ATP6V0D1: variants seen among roughly 807,000 people sequenced by gnomAD.
ATP6V0D1 encodes V-type proton ATPase subunit d 1.
ATP6V0D1 carries 13 observed loss-of-function variants against 39.0 expected under a neutral mutation model. The observed-to-expected ratio is 0.33, with a 90% CI of 0.22 to 0.53. The LOEUF (loss-of-function observed/expected upper bound fraction) is 0.53. Among genes scored for constraint, ATP6V0D1 ranks in the 20% least tolerant of loss-of-function variants. ATP6V0D1 has a pLI of 0.94. For synonymous variants in ATP6V0D1, 191 were observed against 191.2 expected (o/e 1.00, Z 0.01); for missense variants, 272 against 470.9 (o/e 0.58, Z 3.91).
chr16:67,458,824 AG>A (rs1300233451), intron 1 of ATP6V0D1: 1 of 155,996 alleles, frequency 6.4e-6, no homozygotes, highest in African/African-American at 2.4e-5. Flanking sequence ...TCTGCACCCC[AG>A]GACCTTCCCA....
intron 1 of ATP6V0D1, among the ~76,000 whole-genome samples, chr16:67,467,130 T>C (rs761349887): frequency 6.6e-6 from 1 of 151,926 alleles, no homozygotes; most frequent in African/African-American, 2.4e-5. Context: ...ATCTATGATA[T>C]GGTGCATCCC....
rs759566768 is a variant in ATP6V0D1, at chr16:67,444,750, C to T, written c.303-44G>A. On this transcript the variant is annotated intron_variant, in intron 2 of 7. Coordinates refer to ENST00000290949, the MANE Select transcript of ATP6V0D1 (RefSeq NM_004691.5). The surrounding 1 kb of genome is among the most constrained non-coding windows in gnomAD (Gnocchi z 4.8). ...AGCAAGGAGCCCATCAAGGTGGGGGCCGGGAAGTCCTGGCATAGCACCATG... is the reference window on the plus strand; with the variant it reads ...AGCAAGGAGCCCATCAAGGTGGGGGTCGGGAAGTCCTGGCATAGCACCATG... The T allele has an allele frequency of 3.9e-6, 6 of 1,520,922 alleles. No individual in the cohort carries two copies. The highest frequency in any genetic ancestry group is 5.3e-6 in the Non-Finnish European group (6 of 1,129,714). The allele number at this position is 1,520,922 out of a possible 1,614,324, so 94.2% of individuals were successfully genotyped here.
chr16:67,444,861 C>G lies in ATP6V0D1; in HGVS notation c.303-155G>C, dbSNP rs755024807. Among the ~76,000 whole-genome samples the G allele has an allele frequency of 6.6e-6, 1 of 152,170 alleles. No homozygotes were observed. The highest frequency in any genetic ancestry group is 1.5e-5 in the Non-Finnish European group (1 of 68,024). ...CGGATAAGCACCAGTGTCTCCTCTC[C>G]CTCCCCATGTTCCTCTCAAGCTTCT... On this transcript the variant is annotated intron_variant, in intron 2 of 7. Coordinates refer to ENST00000290949, the MANE Select transcript of ATP6V0D1 (RefSeq NM_004691.5). The surrounding 1 kb of genome is among the most constrained non-coding windows in gnomAD (Gnocchi z 4.8).
chr16:67,477,534 A>G (rs1367749533), intron 1 of ATP6V0D1, among the ~76,000 whole-genome samples: 1 of 152,194 alleles, frequency 6.6e-6, no homozygotes, highest in African/African-American at 2.4e-5. Context: ...GGGGGTATAA[A>G]TGGAACTAGT....
At chr16:67,445,239 G>A (rs940765725) in intron 2 of ATP6V0D1, among the ~76,000 whole-genome samples, 9 of 152,216 alleles carry the variant, frequency 5.9e-5, no homozygotes, top group African/African-American at 1.9e-4. Flanking sequence ...CCGGCAGCAC[G>A]GGGCTGCAGC....
intron 1 of ATP6V0D1, among the ~76,000 whole-genome samples, chr16:67,474,835 C>T (rs766554583): frequency 6.6e-6 from 1 of 152,214 alleles, no homozygotes; most frequent in Admixed American, 6.5e-5. Flanking sequence ...ACTTCTACAA[C>T]GTGTTCCTTC....
At chr16:67,475,496 C>A (rs1398299757) in intron 1 of ATP6V0D1, among the ~76,000 whole-genome samples, 1 of 152,220 alleles carries the variant, frequency 6.6e-6, no homozygotes, top group Non-Finnish European at 1.5e-5. Flanking sequence ...TGGCCTCCAA[C>A]GATCTAACTC....
At chr16:67,478,174 C>G (rs368847722) in intron 1 of ATP6V0D1, among the ~76,000 whole-genome samples, 1 of 152,144 alleles carries the variant, frequency 6.6e-6, no homozygotes, top group Non-Finnish European at 1.5e-5. Flanking sequence ...ACCCAAGGCC[C>G]GGAGGTGTTA....
At chr16:67,467,185 C>A (rs115498750) in intron 1 of ATP6V0D1, among the ~76,000 whole-genome samples, 1 of 152,192 alleles carries the variant, frequency 6.6e-6, no homozygotes, top group African/African-American at 2.4e-5. Flanking sequence ...CCCCACACCC[C>A]CAAAGCCTAG....
intron 1 of ATP6V0D1, chr16:67,457,530 C>T: frequency 7.8e-7 from 1 of 1,274,562 alleles, no homozygotes; most frequent in South Asian, 1.2e-5. Flanking sequence ...CCTTCTTCCC[C>T]TCCTCGGAGG....
chr16:67,443,635 A>G (rs564934800), intron 3 of ATP6V0D1, among the ~76,000 whole-genome samples: 15 of 152,304 alleles, frequency 9.8e-5, no homozygotes, highest in African/African-American at 3.4e-4. Flanking sequence ...GTAGGCACAG[A>G]CCAGCGACCC....
At chr16:67,458,206 G>A (rs940286201) in intron 1 of ATP6V0D1, among the ~76,000 whole-genome samples, 1 of 152,226 alleles carries the variant, frequency 6.6e-6, no homozygotes, top group African/African-American at 2.4e-5. Flanking sequence ...TACTGGTCAG[G>A]CCTAGGACAA....
chr16:67,443,045 C>G, intron 4 of ATP6V0D1, 54 bp downstream of exon 4: 1 of 1,588,804 alleles, frequency 6.3e-7, no homozygotes, highest in South Asian at 1.1e-5. Flanking sequence ...CTACCACTTC[C>G]CACAGCCCCA....
chr16:67,474,722 G>A (rs574711533), intron 1 of ATP6V0D1, among the ~76,000 whole-genome samples: 16 of 152,206 alleles, frequency 1.1e-4, no homozygotes, highest in African/African-American at 1.4e-4. Flanking sequence ...TGGACACACC[G>A]CTATCTCAAT....
intron 1 of ATP6V0D1, among the ~76,000 whole-genome samples, chr16:67,467,840 A>G (rs2041342499): frequency 6.6e-6 from 1 of 152,192 alleles, no homozygotes; most frequent in Non-Finnish European, 1.5e-5. Flanking sequence ...AACAAGCTGC[A>G]GTGTGTCTGA....
chr16:67,479,835 G>A (rs1034568932), intron 1 of ATP6V0D1, among the ~76,000 whole-genome samples: 9 of 152,106 alleles, frequency 5.9e-5, no homozygotes, highest in African/African-American at 1.2e-4. Flanking sequence ...CACCTGGAGC[G>A]GGAGTGGTTG....
At position 67,473,220 on chromosome 16, in the gene ATP6V0D1, T is replaced by TG. The variant is rs575768414; in HGVS notation, c.130+7736dup. On this transcript the variant is annotated intron_variant, in intron 1 of 7. Transcript: ENST00000290949. ...CCTCTTGGCCTGGCTAATTTGGGGC[T>TG]GGGGGGGGTGGCGCAGCAACAGCTT... Among the ~76,000 whole-genome samples, 410 of 151,774 alleles carry TG rather than the reference T, an allele frequency of 2.7e-3. 2 individuals carry two copies. The highest frequency in any genetic ancestry group is 3.7e-3 in the Non-Finnish European group (249 of 67,888).
Position 67,458,270 on chromosome 16 carries a change from G to A in ATP6V0D1, c.131-4555C>T, listed in dbSNP as rs148545775. Among the ~76,000 whole-genome samples the A allele has an allele frequency of 3.9e-5, 6 of 152,324 alleles. No homozygotes were observed. In the East Asian group the frequency reaches 7.7e-4, roughly 20 times the overall value. ...GCTTCCTGCTCTCTCTGAGGGATGC[G>A]GAGGAGGGGATGTGACTGGGAGGGG... On this transcript the variant is annotated intron_variant, in intron 1 of 7. Transcript: ENST00000290949.
chr16:67,443,708 G>T (rs1377020910), intron 3 of ATP6V0D1, among the ~76,000 whole-genome samples: 1 of 152,214 alleles, frequency 6.6e-6, no homozygotes, highest in African/African-American at 2.4e-5. Context: ...CATCCCCCAA[G>T]AGGGCCTGCA....
Sources: allele counts gnomAD v4.1 joint callset (sites outside exome capture counted in the v4.1 genomes callset), GRCh38; gene constraint gnomAD v4.1.1; non-coding constraint Gnocchi (gnomAD v3.1); transcripts MANE v1.5; gene names NCBI Gene and HGNC (gene_info 2026-07-23, HGNC 2026-07-21).